Variants in KAZN observed in about 807,000 individuals in gnomAD.
KAZN encodes kazrin.
A neutral mutation model predicts 87.4 loss-of-function variants in KAZN; 40 were observed. The ratio of observed to expected loss-of-function variants is 0.46; its 90% CI spans 0.36 to 0.60. The LOEUF is 0.60. Ranked by LOEUF, KAZN falls within the 20% of genes least tolerant of loss-of-function variation. The pLI is 0.00. For synonymous variants in KAZN, 466 were observed against 458.3 expected (o/e 1.02, Z -0.22); for missense variants, 898 against 1,073.9 (o/e 0.84, Z 2.29).
intron 1 of KAZN, among the ~76,000 whole-genome samples, chr1:13,929,811 C>T (rs527255767): frequency 1.7e-4 from 26 of 152,298 alleles, no homozygotes; most frequent in Non-Finnish European, 2.9e-4. Context: ...GTGTTTGCTA[C>T]GACCAGACCT....
chr1:14,803,548 C>T (rs1281529915), intron 1 of KAZN, among the ~76,000 whole-genome samples: 1 of 152,238 alleles, frequency 6.6e-6, no homozygotes, highest in Non-Finnish European at 1.5e-5. Context: ...GGAGCGAGTG[C>T]TCAGCCCCGC....
intron 1 of KAZN, among the ~76,000 whole-genome samples, chr1:14,803,719 G>T (rs930752069): frequency 6.6e-6 from 1 of 152,212 alleles, no homozygotes; most frequent in African/African-American, 2.4e-5. Context: ...CTGCTCTCAC[G>T]GCCTGGAGAG....
At chr1:14,224,696 C>T (rs942756426) in intron 2 of KAZN, among the ~76,000 whole-genome samples, 2 of 152,026 alleles carry the variant, frequency 1.3e-5, no homozygotes, top group Non-Finnish European at 2.9e-5. Flanking sequence ...TCTCAGACAG[C>T]CAGGGTAATC....
chr1:14,972,966 C>T (rs532823424), intron 2 of KAZN, among the ~76,000 whole-genome samples: 12 of 151,992 alleles, frequency 7.9e-5, no homozygotes, highest in Non-Finnish European at 1.0e-4. Flanking sequence ...CGAGCACCTC[C>T]GAGAGCCGGC....
chr1:14,798,288 A>C (rs1283204884), intron 1 of KAZN, among the ~76,000 whole-genome samples: 2 of 152,114 alleles, frequency 1.3e-5, no homozygotes. Context: ...CACACTTACA[A>C]AGTAGAACAT....
chr1:14,037,723 T>C (rs1482324768), intron 1 of KAZN, among the ~76,000 whole-genome samples: 1 of 152,200 alleles, frequency 6.6e-6, no homozygotes, highest in African/African-American at 2.4e-5. Flanking sequence ...GCCTACATCA[T>C]GAAGAAATGG....
At chr1:14,211,025 C>T (rs1225961181) in intron 2 of KAZN, among the ~76,000 whole-genome samples, 3 of 151,928 alleles carry the variant, frequency 2.0e-5, no homozygotes, top group African/African-American at 7.3e-5. Context: ...ATAGTCTTTA[C>T]CTCTTAGATG....
rs1405036640 is a variant in KAZN at position 14,727,409 on chromosome 1, T to C, written c.226+128186T>C. Among the ~76,000 whole-genome samples the C allele has an allele frequency of 3.4e-5, 5 of 146,884 alleles. No individual in the cohort carries two copies. The South Asian group carries it at 8.7e-4, about 25-fold the overall frequency. ...TGGACAGAGGCCAAGTGGAGGATGG[T>C]TTTGGGGTGATTCAAGTCCATCACA... On this transcript the variant is annotated intron_variant, in intron 1 of 14. Coordinates refer to ENST00000376030, the MANE Select transcript of KAZN (RefSeq NM_201628.3).
At chr1:14,594,692 C>A (rs141020682), upstream of KAZN, among the ~76,000 whole-genome samples, 776 of 152,324 alleles carry the variant, frequency 5.1e-3, 12 homozygotes, top group African/African-American at 0.018. Flanking sequence ...AGCTGTGAAT[C>A]CCATGGAGAG....
Position 15,111,612 on chromosome 1 carries a change from G to A in KAZN, c.2049-815G>A, listed in dbSNP as rs376359828. On this transcript the variant is annotated intron_variant, in intron 13 of 14. Transcript: ENST00000376030. ...CATTTCTTTCAATGAGTCTACCTCC[G>A]TGGTGACTTCTGGCTCCAGGCCGGG... Among the ~76,000 whole-genome samples, 244 of 152,270 alleles carry A rather than the reference G, an allele frequency of 1.6e-3. 2 individuals carry two copies. The highest frequency in any genetic ancestry group is 5.4e-4 in the Non-Finnish European group (37 of 68,026).
chr1:14,315,801 G>A (rs956455859), intron 2 of KAZN, among the ~76,000 whole-genome samples: 1 of 151,924 alleles, frequency 6.6e-6, no homozygotes, highest in African/African-American at 2.4e-5. Context: ...TGTTCACCTG[G>A]TAATTAATAT....
At chr1:14,431,305 T>A (rs1222643679) in intron 2 of KAZN, among the ~76,000 whole-genome samples, 1 of 152,198 alleles carries the variant, frequency 6.6e-6, no homozygotes, top group Non-Finnish European at 1.5e-5. Flanking sequence ...ATTTTATAAT[T>A]GATAAAATTA....
At chr1:15,046,914 G>A (rs565421187) in intron 4 of KAZN, among the ~76,000 whole-genome samples, 1 of 152,342 alleles carries the variant, frequency 6.6e-6, no homozygotes, top group African/African-American at 2.4e-5. Context: ...AGACAGATAT[G>A]TCTTCCTTCC....
At chr1:14,418,813 C>G (rs1176383510) in intron 2 of KAZN, among the ~76,000 whole-genome samples, 1 of 152,164 alleles carries the variant, frequency 6.6e-6, no homozygotes. Context: ...ACAGAGAATC[C>G]CTCAGAGTCT....
intron 2 of KAZN, among the ~76,000 whole-genome samples, chr1:14,214,589 A>G (rs574900688): frequency 2.0e-5 from 3 of 152,328 alleles, no homozygotes; most frequent in African/African-American, 7.2e-5. Context: ...AGGACATGAA[A>G]ATAGTAGAAT....
intron 2 of KAZN, among the ~76,000 whole-genome samples, chr1:14,542,299 TG>T (rs900755098): frequency 1.0e-4 from 3 of 29,258 alleles, no homozygotes; most frequent in African/African-American, 4.3e-4. Flanking sequence ...TGTTGTGGGG[TG>T]GGGGGAGGGG....
At chr1:14,267,628 TATAAC>T (rs113684343) in intron 2 of KAZN, among the ~76,000 whole-genome samples, 5,842 of 152,192 alleles carry the variant, frequency 0.038, 365 homozygotes, top group African/African-American at 0.13. Flanking sequence ...AAAACTATAA[TATAAC>T]ATATATGTAA....
intron 1 of KAZN, among the ~76,000 whole-genome samples, chr1:14,850,022 G>C (rs762077602): frequency 9.7e-5 from 14 of 143,610 alleles, no homozygotes; most frequent in Admixed American, 1.4e-4. Context: ...TGCAACCTCC[G>C]CCTCCCAAGT....
chr1:14,864,871 G>C (rs186792265), intron 1 of KAZN, among the ~76,000 whole-genome samples: 1 of 152,108 alleles, frequency 6.6e-6, no homozygotes, highest in Admixed American at 6.5e-5. Context: ...ACAACACCCA[G>C]CCCACAAGAT....
Sources: gnomAD v4.1 joint callset for allele counts (sites outside exome capture counted in the v4.1 genomes callset) on GRCh38, gnomAD v4.1.1 for gene constraint, MANE v1.5 for transcripts, NCBI Gene and HGNC (gene_info 2026-07-23, HGNC 2026-07-21) for gene names.